STAB2: variants seen among roughly 807,000 people sequenced by gnomAD.
STAB2 encodes the protein stabilin 2.
In STAB2, 288 loss-of-function variants were observed where a neutral mutation model predicts 338.1. That is an observed-to-expected ratio of 0.85 (90% CI 0.77 to 0.94). The LOEUF (loss-of-function observed/expected upper bound fraction) is 0.94, where lower values mean the gene tolerates loss of function less well. Among genes scored for constraint, STAB2 ranks in the 40% least tolerant of loss-of-function variants. STAB2 has a pLI of 0.00. For synonymous variants in STAB2, 1,202 were observed against 1,193.3 expected, an observed-to-expected ratio of 1.01 and a Z score of -0.15; for missense variants, 3,141 against 3,210.1, an observed-to-expected ratio of 0.98 and a Z score of 0.52.
chr12:103,625,821 G>A (rs571833308), intron 5 of STAB2, among the ~76,000 whole-genome samples: 11 of 152,298 alleles, frequency 7.2e-5, no homozygotes, highest in African/African-American at 2.6e-4. Flanking sequence ...ATAAACATGT[G>A]TGTGCATGTG....
chr12:103,662,619 AT>A (rs1235493215), intron 17 of STAB2, among the ~76,000 whole-genome samples: 5 of 152,246 alleles, frequency 3.3e-5, no homozygotes, highest in Admixed American at 6.5e-5. Context: ...TGCAAGAACC[AT>A]TTCTACAAGG....
intron 44 of STAB2, among the ~76,000 whole-genome samples, chr12:103,721,208 G>A (rs996076416): frequency 6.6e-6 from 1 of 152,208 alleles, no homozygotes; most frequent in Non-Finnish European, 1.5e-5. Context: ...ACAGAGACTG[G>A]GTGAGAGGGG....
At position 103,689,955 on chromosome 12, in the gene STAB2, C is replaced by T. The variant is rs537530333; in HGVS notation, c.3155C>T (p.Ser1052Leu). The change falls in exon 29 of 69, where the codon TCA (serine) becomes TTA (leucine). Residue 1052 changes from serine to leucine, a missense_variant. Ser to Leu is a moderately radical substitution (Grantham distance 145). Transcript: ENST00000388887. ...CAGGATGAGAAAAGCTTCTGGTTGT[C>T]ACAGAGCAATATTCCAGCCCTAATA... ...MDQDEKSFWL[S>L]QSNIPALIKY... is the part of the protein sequence containing the mutation. 3 of 1,614,112 alleles carry T rather than the reference C, an allele frequency of 1.9e-6. No homozygotes were observed. The South Asian group carries it at 3.3e-5, about 18-fold the overall frequency.
At position 103,689,876 on chromosome 12, in the gene STAB2, A is replaced by T; in HGVS notation, c.3076A>T (p.Thr1026Ser). ...TTCTCTACAACCCACACTGTCAGCC[A>T]CCTCAAACCTCACTGTCCTCGTGCC... ...NASLQPTLSATSNLTVLVPSQ... is the reference protein window; with the variant it reads ...NASLQPTLSASSNLTVLVPSQ... The change falls in exon 29 of 69, where the codon ACC becomes TCC. Residue 1026 changes from threonine to serine, a missense_variant. Coordinates refer to ENST00000388887, the MANE Select transcript of STAB2 (RefSeq NM_017564.10). 1.9e-6 allele frequency: 3 copies of T among 1,614,004 alleles called. No individual in the cohort carries two copies. In the South Asian group the frequency reaches 3.3e-5, roughly 18 times the overall value.
At chr12:103,669,452 G>A (rs1875512302) in intron 20 of STAB2, 89 bp from the exon 21 acceptor site, 2 of 1,160,162 alleles carry the variant, frequency 1.7e-6, no homozygotes, top group Non-Finnish European at 2.6e-6. Context: ...ATATGGCTTA[G>A]TATAATAATG....
At chr12:103,630,411 C>A (rs1186995733) in intron 5 of STAB2, among the ~76,000 whole-genome samples, 2 of 152,200 alleles carry the variant, frequency 1.3e-5, no homozygotes, top group Non-Finnish European at 2.9e-5. Flanking sequence ...TTTGAGCTAA[C>A]ATTAAGTTGG....
intron 12 of STAB2, among the ~76,000 whole-genome samples, chr12:103,653,223 G>T (rs1186369270): frequency 6.6e-6 from 1 of 151,966 alleles, no homozygotes; most frequent in Non-Finnish European, 1.5e-5. Context: ...ATTGAGCTGG[G>T]GAGCAGGTGA....
At chr12:103,625,975 A>G (rs952722412) in intron 5 of STAB2, among the ~76,000 whole-genome samples, 1 of 152,154 alleles carries the variant, frequency 6.6e-6, no homozygotes, top group East Asian at 1.9e-4. Flanking sequence ...AGTCCCACCA[A>G]CAGTGTAAAA....
In STAB2 at chr12:103,749,070, G is replaced by A. The variant is rs370367535; in HGVS notation, c.6352G>A (p.Gly2118Arg). ...CSCQKGYKGD[G>R]HSCTEIDPCA... is the part of the protein sequence containing the mutation. ...CTGCCAGAAGGGATACAAAGGGGAC[G>A]GGCACAGCTGCACAGAGATAGACCC... Residue 2118 changes from glycine (G) to arginine (R), a missense_variant, in exon 59 of 69, where the codon GGG (glycine) becomes AGG (arginine). Physicochemically the swap from Gly to Arg is moderately radical, Grantham distance 125. Coordinates refer to ENST00000388887, the MANE Select transcript of STAB2 (RefSeq NM_017564.10). 4.1e-5 allele frequency: 66 copies of A among 1,613,980 alleles called. No homozygotes were observed. Among genetic ancestry groups the A allele is most frequent in the African/African-American group, 2.4e-4 (18 of 74,916 alleles).
intron 30 of STAB2, among the ~76,000 whole-genome samples, chr12:103,691,491 T>C (rs925392895): frequency 6.6e-6 from 1 of 152,254 alleles, no homozygotes; most frequent in African/African-American, 2.4e-5. Context: ...AGGTTTTAAA[T>C]TAAAATTGTA....
intron 65 of STAB2, among the ~76,000 whole-genome samples, chr12:103,760,711 C>T (rs534554626): frequency 6.6e-6 from 1 of 152,200 alleles, no homozygotes; most frequent in East Asian, 1.9e-4. Flanking sequence ...GAGAGTAGTG[C>T]CTGACAGGTA....
intron 21 of STAB2, among the ~76,000 whole-genome samples, chr12:103,669,929 G>T (rs1458460003): frequency 6.6e-6 from 1 of 152,148 alleles, no homozygotes; most frequent in African/African-American, 2.4e-5. Context: ...GGGTTGACCT[G>T]CATTGATCTT....
chr12:103,711,484 C>T lies in STAB2; in HGVS notation c.4302C>T (p.Asp1434=), dbSNP rs147569287. The change falls in exon 40 of 69, where the codon GAC becomes GAT. Residue 1434 remains aspartate, a synonymous_variant. Coordinates refer to ENST00000388887, the MANE Select transcript of STAB2 (RefSeq NM_017564.10). ...TCTCTTTTTCAGCAACCACAGAAGA[C>T]AACTGCAATGGGACATGCCATACCA... ...GVHCDNATTE[D]NCNGTCHTSA... is the part of the protein sequence containing the mutation. 1.2e-6 allele frequency: 2 copies of T among 1,614,102 alleles called. No homozygotes were observed. The highest frequency in any genetic ancestry group is 2.2e-5 in the South Asian group (2 of 91,070).
At position 103,750,647 on chromosome 12, in the gene STAB2, G is replaced by A; in HGVS notation, c.6507G>A (p.Leu2169=). 6.2e-7 allele frequency: 1 copy of A among 1,614,236 alleles called. No individual in the cohort carries two copies. The highest frequency in any genetic ancestry group is 1.3e-5 in the African/African-American group (1 of 75,068). Residue 2169 remains leucine, a synonymous_variant, in exon 60 of 69, where the codon CTG becomes CTA. Transcript: ENST00000388887. ...GDGLNCEPEQ[L]PIDRCLQDNG... ...GGCTGAACTGTGAGCCGGAGCAGCT[G>A]CCCATTGACCGCTGCTTACAGGACA...
intron 27 of STAB2, among the ~76,000 whole-genome samples, chr12:103,686,766 G>A (rs1877472293): frequency 6.6e-6 from 1 of 152,174 alleles, no homozygotes; most frequent in Non-Finnish European, 1.5e-5. Flanking sequence ...GTGCTGGGAT[G>A]GCAGGCCTGA....
At chr12:103,643,602 C>T (rs831433) in intron 9 of STAB2, among the ~76,000 whole-genome samples, 114,720 of 151,888 alleles carry the variant, frequency 0.76, 43,877 homozygotes, top group Middle Eastern at 0.82. Flanking sequence ...GGATGTAGCA[C>T]AGTGGCAGTG....
intron 64 of STAB2, 106 bp from the exon 65 acceptor site, chr12:103,759,027 A>G: frequency 6.3e-7 from 1 of 1,581,758 alleles, no homozygotes; most frequent in Non-Finnish European, 8.7e-7. Flanking sequence ...TGGAGGCAGG[A>G]AAGCCTAGGC....
At chr12:103,677,286 T>G (rs1173483543) in intron 24 of STAB2, among the ~76,000 whole-genome samples, 167 bp from the exon 25 acceptor site, 1 of 152,256 alleles carries the variant, frequency 6.6e-6, no homozygotes, top group East Asian at 1.9e-4. Context: ...TTTTGTTCTT[T>G]AAATGACCTA....
At chr12:103,594,219 AT>A (rs1956841569) in intron 2 of STAB2, among the ~76,000 whole-genome samples, 175 bp from the exon 3 acceptor site, 4 of 152,342 alleles carry the variant, frequency 2.6e-5, no homozygotes, top group Admixed American at 2.6e-4. Flanking sequence ...AGTTCTTACA[AT>A]TAAAAATAAT....
Sources: gnomAD v4.1 joint callset for allele counts (sites outside exome capture counted in the v4.1 genomes callset) on GRCh38, gnomAD v4.1.1 for gene constraint, MANE v1.5 for transcripts, NCBI Gene and HGNC (gene_info 2026-07-23, HGNC 2026-07-21) for gene names.